RASAL2: variants seen among roughly 807,000 people sequenced by gnomAD.
RASAL2 encodes RAS protein activator like 2.
RASAL2 carries 58 observed loss-of-function variants against 128.9 expected under a neutral mutation model. That is an observed-to-expected ratio of 0.45 (90% confidence interval 0.36 to 0.56). The LOEUF (loss-of-function observed/expected upper bound fraction) is 0.56, where lower values mean the gene tolerates loss of function less well. Ranked by LOEUF, RASAL2 falls within the 20% of genes least tolerant of loss-of-function variation. The probability of loss-of-function intolerance (pLI) is 0.00; values close to 1 mark genes in which losing one functional copy is unlikely to be tolerated. For synonymous variants in RASAL2, 561 were observed against 580.8 expected (o/e 0.97, Z 0.49); for missense variants, 1,360 against 1,601.6 (o/e 0.85, Z 2.57).
chr1:178,304,673 A>G (rs1667913271), intron 3 of RASAL2, among the ~76,000 whole-genome samples: 1 of 152,206 alleles, frequency 6.6e-6, no homozygotes, highest in South Asian at 2.1e-4. Context: ...CAAAACAGCA[A>G]ATGGAGACAA....
intron 8 of RASAL2, among the ~76,000 whole-genome samples, chr1:178,443,906 G>A (rs1676830817): frequency 1.3e-5 from 2 of 152,160 alleles, no homozygotes; most frequent in South Asian, 4.1e-4. Flanking sequence ...ATGCAAACTG[G>A]TCATGATAAA....
At chr1:178,391,838 A>G (rs946809654) in intron 4 of RASAL2, among the ~76,000 whole-genome samples, 1 of 152,146 alleles carries the variant, frequency 6.6e-6, no homozygotes, top group African/African-American at 2.4e-5. Context: ...CAGAACCAAT[A>G]TTTTACCACA....
chr1:178,322,981 G>T (rs1050383578), intron 3 of RASAL2, among the ~76,000 whole-genome samples: 5 of 152,114 alleles, frequency 3.3e-5, no homozygotes, highest in African/African-American at 1.2e-4. Flanking sequence ...CATAAACCTG[G>T]AATATCTTGC....
rs533330384 is a variant in RASAL2 at position 178,461,460 on chromosome 1, A to G, written c.3253-2818A>G. On this transcript the variant is annotated intron_variant, in intron 14 of 17. Transcript: ENST00000367649. Reference sequence around the variant, plus strand: ...AAATTCACAGATAAATTTTTTTTCAAGAAACTCTCTTAATTTTTTAACCCA... The same window carrying G: ...AAATTCACAGATAAATTTTTTTTCAGGAAACTCTCTTAATTTTTTAACCCA... Among the ~76,000 whole-genome samples the G allele has an allele frequency of 1.6e-4, 24 of 152,340 alleles. No individual in the cohort carries two copies. In the East Asian group the frequency reaches 2.1e-3, roughly 13 times the overall value.
At chr1:178,254,225 A>AT (rs534670305) in intron 1 of RASAL2, among the ~76,000 whole-genome samples, 68 of 152,124 alleles carry the variant, frequency 4.5e-4, no homozygotes, top group African/African-American at 1.5e-3. Flanking sequence ...GGTAATGTCT[A>AT]TTTATCCTTC....
At chr1:178,203,852 T>C (rs1460386338) in intron 1 of RASAL2, among the ~76,000 whole-genome samples, 3 of 152,192 alleles carry the variant, frequency 2.0e-5, no homozygotes, top group African/African-American at 7.2e-5. Flanking sequence ...CTCTTAGTAT[T>C]ACCATACTCT....
At chr1:178,408,379 T>G (rs541382832) in intron 4 of RASAL2, among the ~76,000 whole-genome samples, 78 of 152,322 alleles carry the variant, frequency 5.1e-4, no homozygotes, top group African/African-American at 1.7e-3. Flanking sequence ...AAAAAGCATT[T>G]TCCTCTTGGT....
rs533705139 is a variant in RASAL2 at position 178,143,743 on chromosome 1, C to G, written c.202+49049C>G. Among the ~76,000 whole-genome samples the G allele has an allele frequency of 2.8e-5, 4 of 141,390 alleles. No homozygotes were observed. The South Asian group carries it at 8.8e-4, about 31-fold the overall frequency. 92.8% of individuals were successfully genotyped at this position (141,390 alleles called of 152,430 possible). A position where few individuals can be genotyped will look rare whatever the true frequency, so the allele number is the denominator to read the frequency against. The stretch of plus-strand genomic sequence containing the variant: ...GTTAAAGGATAATTTTGCTTTATCT[C>G]TATTGTTTGGGTTTTTTTTTTTTTG... On this transcript the variant is annotated intron_variant, in intron 1 of 17. Coordinates refer to ENST00000367649, the MANE Select transcript of RASAL2 (RefSeq NM_170692.4).
intron 1 of RASAL2, among the ~76,000 whole-genome samples, chr1:178,204,517 A>G (rs1265629185): frequency 6.6e-6 from 1 of 152,214 alleles, no homozygotes; most frequent in Admixed American, 6.5e-5. Context: ...AGGCAGCTAC[A>G]CAGACTGGAG....
intron 3 of RASAL2, among the ~76,000 whole-genome samples, chr1:178,324,054 C>T (rs111384165): frequency 6.6e-6 from 1 of 152,144 alleles, no homozygotes; most frequent in African/African-American, 2.4e-5. Context: ...GATTCAAATT[C>T]CATATGCTCT....
chr1:178,109,000 A>G (rs1659199153), intron 1 of RASAL2, among the ~76,000 whole-genome samples: 2 of 152,192 alleles, frequency 1.3e-5, no homozygotes, highest in East Asian at 1.9e-4. Context: ...CTATAAAAGC[A>G]TGTCTTTCTA....
At chr1:178,455,554 G>C (rs1572106578) in intron 12 of RASAL2, among the ~76,000 whole-genome samples, 1 of 152,220 alleles carries the variant, frequency 6.6e-6, no homozygotes, top group Non-Finnish European at 1.5e-5. Flanking sequence ...GTGTCCTCCA[G>C]TGCTTAAAAT....
chr1:178,231,718 T>A (rs1664015961), intron 1 of RASAL2, among the ~76,000 whole-genome samples: 1 of 152,200 alleles, frequency 6.6e-6, no homozygotes, highest in African/African-American at 2.4e-5. Context: ...GTGAATGATG[T>A]GATGTGCCAT....
At chr1:178,163,063 TG>T (rs757521539) in intron 1 of RASAL2, among the ~76,000 whole-genome samples, 2 of 151,126 alleles carry the variant, frequency 1.3e-5, no homozygotes, top group Non-Finnish European at 3.0e-5. Flanking sequence ...CTCTGCCTCC[TG>T]GTTTCAGGCA....
intron 17 of RASAL2, among the ~76,000 whole-genome samples, chr1:178,468,000 A>G (rs1189270158): frequency 6.6e-6 from 1 of 152,224 alleles, no homozygotes; most frequent in Non-Finnish European, 1.5e-5. Context: ...AAACTTTAAA[A>G]AAAGAAAAGG....
At chr1:178,415,460 T>C (rs907907109) in intron 4 of RASAL2, among the ~76,000 whole-genome samples, 2 of 152,148 alleles carry the variant, frequency 1.3e-5, no homozygotes, top group African/African-American at 2.4e-5. Flanking sequence ...TTCTTTTAAA[T>C]TTATTAATAT....
At chr1:178,295,535 C>G (rs1667456254) in intron 2 of RASAL2, among the ~76,000 whole-genome samples, 1 of 151,902 alleles carries the variant, frequency 6.6e-6, no homozygotes, top group Non-Finnish European at 1.5e-5. Context: ...TCTGTTATAC[C>G]TGACACTTTG....
chr1:178,223,223 T>C (rs1663671114), intron 1 of RASAL2, among the ~76,000 whole-genome samples: 1 of 152,134 alleles, frequency 6.6e-6, no homozygotes, highest in African/African-American at 2.4e-5. Context: ...TATAGCCTAG[T>C]GGGTAAAACA....
chr1:178,440,546 T>A (rs1422910543), intron 6 of RASAL2, among the ~76,000 whole-genome samples: 3 of 152,122 alleles, frequency 2.0e-5, no homozygotes, highest in Admixed American at 2.0e-4. Flanking sequence ...TATAATCTGA[T>A]CGGATTTATT....
Sources: allele counts gnomAD v4.1 joint callset (sites outside exome capture counted in the v4.1 genomes callset), GRCh38; gene constraint gnomAD v4.1.1; transcripts MANE v1.5; gene names NCBI Gene and HGNC (gene_info 2026-07-23, HGNC 2026-07-21).